Variants in CMKLR1 observed in about 807,000 individuals in gnomAD.
The protein encoded by CMKLR1 is chemerin-like receptor 1.
Under a neutral mutation model 8.2 loss-of-function variants are expected in CMKLR1, and 6 were observed. The ratio of observed to expected loss-of-function variants is 0.73; its 90% CI spans 0.40 to 1.44. The LOEUF (loss-of-function observed/expected upper bound fraction) is 1.44. Ranked by LOEUF, CMKLR1 falls within the 40% of genes most tolerant of loss-of-function variation. The pLI is 0.02. For missense variants in CMKLR1, 429 were observed against 478.0 expected (o/e 0.90, Z 0.96); for synonymous variants, 178 against 181.2 (o/e 0.98, Z 0.14).
chr12:108,312,031 G>C (rs1593169128), intron 2 of CMKLR1, among the ~76,000 whole-genome samples: 1 of 152,198 alleles, frequency 6.6e-6, no homozygotes, highest in African/African-American at 2.4e-5. Context: ...AATCCAGGCA[G>C]AGCAAACAGC....
chr12:108,302,015 A>G (rs565651631), intron 2 of CMKLR1, among the ~76,000 whole-genome samples: 6 of 152,186 alleles, frequency 3.9e-5, no homozygotes, highest in Non-Finnish European at 7.3e-5. Context: ...TCCAAACCCA[A>G]AAAGGATTGC....
chr12:108,292,930 G>A lies in CMKLR1; in HGVS notation c.33C>T (p.Ser11=), dbSNP rs1891035919. The change falls in exon 4 of 4, where the codon TCC becomes TCT. Residue 11 remains serine, a synonymous_variant. Coordinates refer to ENST00000550402, the MANE Select transcript of CMKLR1 (RefSeq NM_001142343.2). MRMEDEDYNT[S]ISYGDEYPDY... ...CAGGGTATTCATCACCGTAACTGAT[G>A]GAAGTGTTGTAATCTTCATCCTCCA... 1 of 1,612,536 alleles carries A rather than the reference G, an allele frequency of 6.2e-7. No individual in the cohort carries two copies. Among genetic ancestry groups the A allele is most frequent in the Non-Finnish European group, 8.5e-7 (1 of 1,178,868 alleles).
In CMKLR1 at chr12:108,290,910, T is replaced by C. The variant is rs1890946268; in HGVS notation, c.*931A>G. The C allele has an allele frequency of 6.6e-6, 1 of 152,234 alleles. No homozygotes were observed. The highest frequency in any genetic ancestry group is 1.5e-5 in the Non-Finnish European group (1 of 68,050). The allele number at this position is 152,234 out of a possible 1,614,324, so 9.4% of individuals were successfully genotyped here. A position where few individuals can be genotyped will look rare whatever the true frequency, so the allele number is the denominator to read the frequency against. ...ATGAGAAGCCCCACCACCAGTGTTT[T>C]ATTCTAAGCACCTCCAGCCAGAGCT... On this transcript the variant is annotated 3_prime_UTR_variant, in exon 4 of 4. Coordinates refer to ENST00000550402, the MANE Select transcript of CMKLR1 (RefSeq NM_001142343.2).
chr12:108,293,072 T>C (rs1202064882), intron 3 of CMKLR1, 113 bp from the exon 4 acceptor site: 2 of 983,234 alleles, frequency 2.0e-6, no homozygotes, highest in Middle Eastern at 3.2e-4. Flanking sequence ...TCCAGTTTTG[T>C]GATTTAACCA....
intron 2 of CMKLR1, among the ~76,000 whole-genome samples, chr12:108,299,706 G>A (rs982027963): frequency 6.6e-6 from 1 of 152,144 alleles, no homozygotes; most frequent in Non-Finnish European, 1.5e-5. Flanking sequence ...TGTGGGGATG[G>A]AGGCAGAGAT....
rs1891009436 is a variant in CMKLR1, at chr12:108,292,434, A to C, written c.529T>G (p.Phe177Val). Residue 177 changes from phenylalanine to valine, a missense_variant, in exon 4 of 4, where the codon TTC (phenylalanine) becomes GTC (valine). Transcript: ENST00000550402. ...AFFLSSPSLV[F>V]RDTANLHGKI... The stretch of plus-strand genomic sequence containing the variant: ...CCATGCAGGTTGGCTGTGTCCCGGA[A>C]GACGAGAGATGGGGAACTCAAGAAG... 1 of 1,614,082 alleles carries C rather than the reference A, an allele frequency of 6.2e-7. No individual in the cohort carries two copies. The highest frequency in any genetic ancestry group is 8.5e-7 in the Non-Finnish European group (1 of 1,180,046).
rs74328640 is a variant in CMKLR1, at chr12:108,331,186, G to A, written c.-286-979C>T. Among the ~76,000 whole-genome samples, 1,204 of 152,268 alleles carry A rather than the reference G, an allele frequency of 7.9e-3. 21 individuals are homozygous for A. The highest frequency in any genetic ancestry group is 0.027 in the African/African-American group (1,123 of 41,542). ...ATTCCTGTTGAGCCTCCTACCAGGT[G>A]CCAGACACTTAACTCTTACTATCTC... On this transcript the variant is annotated intron_variant, in intron 1 of 3. Transcript: ENST00000550402.
At position 108,293,666 on chromosome 12, in the gene CMKLR1, T is replaced by C. The variant is rs1221652804; in HGVS notation, c.-73-2A>G. 2.3e-6 allele frequency: 3 copies of C among 1,279,170 alleles called. No homozygotes were observed. The African/African-American group carries it at 5.3e-5, about 23-fold the overall frequency. 79.2% of individuals were successfully genotyped at this position (1,279,170 alleles called of 1,614,324 possible). A position where few individuals can be genotyped will look rare whatever the true frequency, so the allele number is the denominator to read the frequency against. On this transcript the variant is annotated splice_acceptor_variant, in intron 2 of 3. Coordinates refer to ENST00000550402, the MANE Select transcript of CMKLR1 (RefSeq NM_001142343.2). LOFTEE classifies it low-confidence loss of function (5UTR_SPLICE). ...GTCCCTGTACACAGCTAGAAACACC[T>C]GTAGGGAAAAAAAAAAAAAAAAAAG...
chr12:108,330,081 A>G lies in CMKLR1; in HGVS notation c.-160T>C, dbSNP rs527373208. 6.6e-6 allele frequency: 1 copy of G among 152,232 alleles called. No homozygotes were observed. The highest frequency in any genetic ancestry group is 1.9e-4 in the East Asian group (1 of 5,180). The allele number at this position is 152,232 out of a possible 1,614,324, so 9.4% of individuals were successfully genotyped here. A position where few individuals can be genotyped will look rare whatever the true frequency, so the allele number is the denominator to read the frequency against. Reference sequence around the variant, plus strand: ...TGGTGAGTTGCTGTGACCAACAGAAAGTGGTAGAAGTGATGCTGTGCTAGT... The same window carrying G: ...TGGTGAGTTGCTGTGACCAACAGAAGGTGGTAGAAGTGATGCTGTGCTAGT... On this transcript the variant is annotated 5_prime_UTR_variant, in exon 2 of 4. Transcript: ENST00000550402.
chr12:108,326,649 T>C (rs1210044345), intron 2 of CMKLR1, among the ~76,000 whole-genome samples: 3 of 152,222 alleles, frequency 2.0e-5, no homozygotes, highest in South Asian at 4.2e-4. Context: ...GAGAACAGGG[T>C]CAGCCTGGGC....
chr12:108,333,371 C>A (rs1892151287), intron 1 of CMKLR1, among the ~76,000 whole-genome samples: 1 of 152,184 alleles, frequency 6.6e-6, no homozygotes, highest in Admixed American at 6.5e-5. Flanking sequence ...CACTCTCCAC[C>A]AGCAGAGCCC....
At chr12:108,311,841 A>T (rs1345187975) in intron 2 of CMKLR1, among the ~76,000 whole-genome samples, 1 of 152,162 alleles carries the variant, frequency 6.6e-6, no homozygotes, top group Non-Finnish European at 1.5e-5. Context: ...GGGGGCACGG[A>T]AGGACTGCTG....
chr12:108,334,657 G>A (rs1194025363), intron 1 of CMKLR1, among the ~76,000 whole-genome samples: 2 of 152,178 alleles, frequency 1.3e-5, no homozygotes, highest in African/African-American at 4.8e-5. Flanking sequence ...CCATGTACAC[G>A]TACATGAACA....
chr12:108,331,502 C>T (rs1245735122), intron 1 of CMKLR1, among the ~76,000 whole-genome samples: 3 of 152,166 alleles, frequency 2.0e-5, no homozygotes, highest in African/African-American at 7.2e-5. Flanking sequence ...ATTCAAGAAA[C>T]AATCAGATGC....
intron 2 of CMKLR1, among the ~76,000 whole-genome samples, chr12:108,312,357 C>G (rs1891607343): frequency 6.6e-6 from 1 of 152,200 alleles, no homozygotes; most frequent in Non-Finnish European, 1.5e-5. Context: ...CGTGTCCAGG[C>G]AGCATTCCTT....
At chr12:108,335,376 T>C (rs1235902702) in intron 1 of CMKLR1, among the ~76,000 whole-genome samples, 1 of 152,206 alleles carries the variant, frequency 6.6e-6, no homozygotes, top group Non-Finnish European at 1.5e-5. Flanking sequence ...CCATACTTTC[T>C]TTTGTCTTGT....
intron 2 of CMKLR1, among the ~76,000 whole-genome samples, chr12:108,310,611 A>G (rs1374479239): frequency 1.3e-5 from 2 of 152,140 alleles, no homozygotes; most frequent in East Asian, 3.9e-4. Context: ...GGCAACCACC[A>G]ATGCTCCAAG....
intron 2 of CMKLR1, among the ~76,000 whole-genome samples, chr12:108,303,925 G>T (rs771760519): frequency 6.6e-6 from 1 of 152,200 alleles, no homozygotes; most frequent in Non-Finnish European, 1.5e-5. Flanking sequence ...CCCAGAGCTG[G>T]TGTGGCTGCT....
chr12:108,335,824 C>T (rs1189122797), intron 1 of CMKLR1, among the ~76,000 whole-genome samples: 6 of 152,208 alleles, frequency 3.9e-5, no homozygotes, highest in Admixed American at 6.5e-5. Context: ...ATAACACCAC[C>T]TTTATCTGTT....
Sources: allele counts gnomAD v4.1 joint callset (sites outside exome capture counted in the v4.1 genomes callset), GRCh38; gene constraint gnomAD v4.1.1; transcripts MANE v1.5; gene names NCBI Gene and HGNC (gene_info 2026-07-23, HGNC 2026-07-21).